NTRK3: variants seen among roughly 807,000 people sequenced by gnomAD.
NTRK3 encodes the protein neurotrophic receptor tyrosine kinase 3.
A neutral mutation model predicts 91.7 loss-of-function variants in NTRK3; 24 were observed. The observed-to-expected ratio is 0.26, with a 90% CI of 0.19 to 0.37. The LOEUF (loss-of-function observed/expected upper bound fraction) is 0.37. Ranked by LOEUF, NTRK3 falls within the 10% of genes least tolerant of loss-of-function variation. NTRK3 has a pLI of 1.00. For missense variants in NTRK3, 880 were observed against 1,068.9 expected, an observed-to-expected ratio of 0.82 and a Z score of 2.46; for synonymous variants, 483 against 404.0, an observed-to-expected ratio of 1.20 and a Z score of -2.34.
rs181306180 is a variant in NTRK3 at position 88,229,803 on chromosome 15, G to T, written c.248+26103C>A. On this transcript the variant is annotated intron_variant, in intron 3 of 18. Coordinates refer to ENST00000394480, the Ensembl canonical transcript of NTRK3. ...AAATATTTTATCTACTTCCCCACATGGTTGTCTTATACAAGATGAATGGAT... is the reference window on the plus strand; with the variant it reads ...AAATATTTTATCTACTTCCCCACATTGTTGTCTTATACAAGATGAATGGAT... 2.0e-5 allele frequency among the ~76,000 whole-genome samples: 3 copies of T among 152,336 alleles called. No homozygotes were observed. In the East Asian group the frequency reaches 5.8e-4, roughly 29 times the overall value.
intron 3 of NTRK3, among the ~76,000 whole-genome samples, chr15:88,211,988 C>T (rs2049287231): frequency 6.6e-6 from 1 of 152,128 alleles, no homozygotes; most frequent in Admixed American, 6.5e-5. Context: ...CAAATACAGC[C>T]CAGATACATT....
At position 87,877,153 on chromosome 15, in the gene NTRK3, C is replaced by A. The variant is rs1021028312; in HGVS notation, c.2293-33G>T. 5.6e-6 allele frequency: 9 copies of A among 1,609,812 alleles called. No homozygotes were observed. The African/African-American group carries it at 1.1e-4, about 19-fold the overall frequency. ...AGTGAGAAGAACAAGGAAGTTACAC[C>A]CAAAGCTCAGCCTTGGTCCTGTGGC... On this transcript the variant is annotated intron_variant, in intron 18 of 18. Coordinates refer to ENST00000394480, the Ensembl canonical transcript of NTRK3.
chr15:88,023,242 A>G (rs561457739), intron 14 of NTRK3, among the ~76,000 whole-genome samples: 2 of 152,310 alleles, frequency 1.3e-5, no homozygotes, highest in South Asian at 4.1e-4. Flanking sequence ...CTTGGCTCCC[A>G]AGATATCTCA....
At chr15:88,057,124 G>A (rs1443672983) in intron 13 of NTRK3, among the ~76,000 whole-genome samples, 40 of 147,606 alleles carry the variant, frequency 2.7e-4, no homozygotes, top group Admixed American at 2.2e-3. Context: ...AGTCGAGATC[G>A]CGCCACTGCA....
At chr15:88,108,320 G>A (rs138925056) in intron 13 of NTRK3, among the ~76,000 whole-genome samples, 17 of 152,290 alleles carry the variant, frequency 1.1e-4, no homozygotes, top group African/African-American at 3.6e-4. Flanking sequence ...CTACCTGCCC[G>A]GAGTTCATAG....
chr15:88,084,014 A>T (rs141641045), intron 13 of NTRK3, among the ~76,000 whole-genome samples: 121 of 151,500 alleles, frequency 8.0e-4, no homozygotes, highest in Middle Eastern at 3.4e-3. Flanking sequence ...AATTTAATCC[A>T]TATGTCTCTG....
intron 3 of NTRK3, among the ~76,000 whole-genome samples, chr15:88,194,199 C>T (rs2047634264): frequency 6.6e-6 from 1 of 152,238 alleles, no homozygotes; most frequent in African/African-American, 2.4e-5. Flanking sequence ...CTTTCTTAGG[C>T]TCCTTCGCTG....
intron 13 of NTRK3, among the ~76,000 whole-genome samples, chr15:88,038,532 C>T (rs914697740): frequency 5.3e-5 from 8 of 152,074 alleles, no homozygotes; most frequent in African/African-American, 1.9e-4. Context: ...ATGTAGCAGC[C>T]CTAGACCTGG....
chr15:87,875,290 A>T (rs1296948284), exon 19 of NTRK3: 1 of 229,974 alleles, frequency 4.3e-6, no homozygotes, highest in Non-Finnish European at 8.6e-6. Context: ...GGAGGAACAC[A>T]TCCTCTCCTC....
chr15:88,055,644 G>A (rs549668950), intron 13 of NTRK3, among the ~76,000 whole-genome samples: 22 of 152,104 alleles, frequency 1.4e-4, no homozygotes, highest in African/African-American at 4.6e-4. Flanking sequence ...CCTTTCAATC[G>A]GTGATGAAAC....
chr15:88,154,424 C>G (rs995242398), intron 5 of NTRK3, among the ~76,000 whole-genome samples: 1 of 152,262 alleles, frequency 6.6e-6, no homozygotes, highest in Non-Finnish European at 1.5e-5. Context: ...GACAAGGAAG[C>G]AACTGCTGCC....
intron 14 of NTRK3, among the ~76,000 whole-genome samples, chr15:88,009,294 GGAGA>G (rs141240132): frequency 0.026 from 3,913 of 152,212 alleles, 68 homozygotes; most frequent in South Asian, 0.056. Context: ...TTTTTAAAAT[GGAGA>G]GAGAGAATCA....
intron 14 of NTRK3, among the ~76,000 whole-genome samples, chr15:88,000,458 C>T (rs1279536165): frequency 6.6e-6 from 1 of 152,180 alleles, no homozygotes; most frequent in South Asian, 2.1e-4. Flanking sequence ...CTATACCACA[C>T]ACACATACAC....
chr15:88,112,113 A>G (rs571988613), intron 13 of NTRK3, among the ~76,000 whole-genome samples: 8 of 152,112 alleles, frequency 5.3e-5, no homozygotes, highest in East Asian at 3.9e-4. Flanking sequence ...TCACAATGTT[A>G]GCCAGGATGG....
chr15:88,246,313 T>A (rs1289798618), intron 3 of NTRK3, among the ~76,000 whole-genome samples: 2 of 152,208 alleles, frequency 1.3e-5, no homozygotes, highest in Non-Finnish European at 2.9e-5. Context: ...TGTGTATGGT[T>A]ATCTCCTAAA....
At chr15:88,063,074 C>T (rs1438011182) in intron 13 of NTRK3, among the ~76,000 whole-genome samples, 5 of 152,246 alleles carry the variant, frequency 3.3e-5, no homozygotes, top group Admixed American at 2.0e-4. Flanking sequence ...ACACTGGGCT[C>T]CATCCCTTGG....
chr15:88,188,470 C>A (rs1225174934), intron 3 of NTRK3, among the ~76,000 whole-genome samples: 1 of 152,174 alleles, frequency 6.6e-6, no homozygotes, highest in African/African-American at 2.4e-5. Context: ...CAGCCCCCAC[C>A]GCTAAGAATC....
chr15:87,938,229 GCTT>G, intron 15 of NTRK3, among the ~76,000 whole-genome samples: 1 of 152,332 alleles, frequency 6.6e-6, no homozygotes, highest in East Asian at 1.9e-4. Context: ...TGTGGTTTCT[GCTT>G]CTTTGTTTGT....
At chr15:88,251,682 C>T (rs940970756) in intron 3 of NTRK3, among the ~76,000 whole-genome samples, 1 of 152,252 alleles carries the variant, frequency 6.6e-6, no homozygotes, top group Non-Finnish European at 1.5e-5. Flanking sequence ...GGGCCCTGGT[C>T]CTTCTACAGA....
Sources: allele counts gnomAD v4.1 joint callset (sites outside exome capture counted in the v4.1 genomes callset), GRCh38; gene constraint gnomAD v4.1.1; transcripts MANE v1.5; gene names NCBI Gene and HGNC (gene_info 2026-07-23, HGNC 2026-07-21).